Variants in AIF1L observed in about 807,000 individuals in gnomAD.
The protein encoded by AIF1L is allograft inflammatory factor 1-like.
Under a neutral mutation model 20.7 loss-of-function variants are expected in AIF1L, and 12 were observed. The ratio of observed to expected loss-of-function variants is 0.58; its 90% CI spans 0.37 to 0.94. The LOEUF is 0.94. Among genes scored for constraint, AIF1L ranks in the 40% least tolerant of loss-of-function variants. AIF1L has a pLI of 0.01. For synonymous variants in AIF1L, 76 were observed against 65.1 expected, an observed-to-expected ratio of 1.17 and a Z score of -0.81; for missense variants, 173 against 185.3, an observed-to-expected ratio of 0.93 and a Z score of 0.39.
At chr9:131,114,834 C>G (rs1830973006) in intron 4 of AIF1L, among the ~76,000 whole-genome samples, 1 of 152,128 alleles carries the variant, frequency 6.6e-6, no homozygotes, top group Admixed American at 6.5e-5. Context: ...CCCACCCACA[C>G]CTCAGCCTCC....
chr9:131,112,599 CG>C (rs940349448), intron 3 of AIF1L: 6 of 152,272 alleles, frequency 3.9e-5, no homozygotes, highest in Admixed American at 1.3e-4. Context: ...TGGAGAAACT[CG>C]GGCTTGGAGG....
intron 4 of AIF1L, among the ~76,000 whole-genome samples, chr9:131,116,136 T>C (rs1831007594): frequency 6.6e-6 from 1 of 152,146 alleles, no homozygotes; most frequent in Non-Finnish European, 1.5e-5. Flanking sequence ...TTCCACTCTT[T>C]ATTCTAATCA....
At chr9:131,107,737 GC>G (rs1242505712) in intron 2 of AIF1L, among the ~76,000 whole-genome samples, 1 of 152,204 alleles carries the variant, frequency 6.6e-6, no homozygotes, top group Non-Finnish European at 1.5e-5. Flanking sequence ...GCGCCCCTCT[GC>G]CCCGCCTTTA....
At chr9:131,097,525 G>T (rs1316086601) in intron 2 of AIF1L, among the ~76,000 whole-genome samples, 2 of 152,252 alleles carry the variant, frequency 1.3e-5, no homozygotes, top group East Asian at 3.8e-4. Flanking sequence ...TTTCAGGAAA[G>T]ATTGCCTTAA....
chr9:131,111,720 A>T, intron 3 of AIF1L, 57 bp downstream of exon 3: 1 of 1,528,772 alleles, frequency 6.5e-7, no homozygotes, highest in Non-Finnish European at 9.1e-7. Context: ...CTGGCCCCTC[A>T]TCCTTGCACA....
intron 3 of AIF1L, chr9:131,112,425 A>C (rs1830911923): frequency 6.6e-6 from 1 of 152,214 alleles, no homozygotes; most frequent in Non-Finnish European, 1.5e-5. Flanking sequence ...TCCTCAAATC[A>C]CTTCCAGTTG....
chr9:131,111,234 A>C (rs1052661585), intron 2 of AIF1L, among the ~76,000 whole-genome samples: 6 of 150,916 alleles, frequency 4.0e-5, no homozygotes, highest in Non-Finnish European at 5.9e-5. Flanking sequence ...ATTCCTAAGA[A>C]GTTAATGATG....
At chr9:131,116,780 A>G (rs1052193748) in intron 4 of AIF1L, among the ~76,000 whole-genome samples, 4 of 152,230 alleles carry the variant, frequency 2.6e-5, no homozygotes, top group African/African-American at 9.6e-5. Context: ...AGGCTTTTGA[A>G]GCATCTTGCC....
intron 2 of AIF1L, among the ~76,000 whole-genome samples, chr9:131,103,333 A>G (rs1830678470): frequency 6.6e-6 from 1 of 152,214 alleles, no homozygotes; most frequent in Non-Finnish European, 1.5e-5. Context: ...ACTTGCCAGG[A>G]GGACTTCAGG....
chr9:131,120,920 G>A lies in AIF1L; in HGVS notation c.*598G>A. 2.0e-6 allele frequency: 1 copy of A among 501,196 alleles called. No individual in the cohort carries two copies. Among genetic ancestry groups the A allele is most frequent in the East Asian group, 3.2e-5 (1 of 31,564 alleles). 31.0% of individuals were successfully genotyped at this position (501,196 alleles called of 1,614,324 possible). On this transcript the variant is annotated 3_prime_UTR_variant, in exon 6 of 6. Transcript: ENST00000247291. ...TGAAGGTGGGAAGGAAAGGAGCTTG[G>A]CATTGGGAGCCCTTCAAGAAGGTAC...
chr9:131,096,954 G>T, intron 2 of AIF1L, 91 bp downstream of exon 2: 5 of 1,354,376 alleles, frequency 3.7e-6, no homozygotes, highest in Non-Finnish European at 4.8e-6. Flanking sequence ...CCCGCCTCCA[G>T]ATCTACCCTC....
intron 2 of AIF1L, among the ~76,000 whole-genome samples, chr9:131,109,216 AT>A: frequency 6.8e-6 from 1 of 146,298 alleles, no homozygotes; most frequent in Middle Eastern, 3.4e-3. Flanking sequence ...GAATGAATGA[AT>A]GAATGAAGGA....
At chr9:131,111,304 G>T (rs1830877105) in intron 2 of AIF1L, 4 of 346,040 alleles carry the variant, frequency 1.2e-5, no homozygotes, top group East Asian at 1.0e-4. Context: ...GGGTGTCTTG[G>T]GGGAGGGGCA....
intron 4 of AIF1L, among the ~76,000 whole-genome samples, chr9:131,115,674 T>A (rs1405737547): frequency 6.6e-6 from 1 of 150,868 alleles, no homozygotes; most frequent in African/African-American, 2.4e-5. Flanking sequence ...TTTTTTTTTT[T>A]CTTTAGAAAG....
chr9:131,105,612 T>C (rs1312969637), intron 2 of AIF1L, among the ~76,000 whole-genome samples: 1 of 152,162 alleles, frequency 6.6e-6, no homozygotes, highest in Non-Finnish European at 1.5e-5. Flanking sequence ...CTCAAAGTGC[T>C]GGGATTACAG....
intron 2 of AIF1L, among the ~76,000 whole-genome samples, chr9:131,105,228 C>T (rs991400873): frequency 1.3e-5 from 2 of 152,188 alleles, no homozygotes; most frequent in Admixed American, 6.5e-5. Context: ...CACTGCCCGC[C>T]GGGCTCCCCC....
intron 4 of AIF1L, among the ~76,000 whole-genome samples, chr9:131,116,278 T>G (rs1381719866): frequency 2.6e-5 from 4 of 152,222 alleles, no homozygotes; most frequent in Non-Finnish European, 4.4e-5. Context: ...TTCTTTCTTT[T>G]TTTGAGACAT....
chr9:131,110,070 C>T (rs1396432252), intron 2 of AIF1L, among the ~76,000 whole-genome samples: 2 of 152,004 alleles, frequency 1.3e-5, no homozygotes, highest in Non-Finnish European at 1.5e-5. Flanking sequence ...ATAAGCCAGC[C>T]GTGGTGTGGC....
At chr9:131,116,519 G>A (rs140133814) in intron 4 of AIF1L, among the ~76,000 whole-genome samples, 2 of 152,104 alleles carry the variant, frequency 1.3e-5, no homozygotes, top group East Asian at 3.9e-4. Flanking sequence ...CTGCCTCGTC[G>A]TCCCAAAGTG....
Sources: gnomAD v4.1 joint callset for allele counts (sites outside exome capture counted in the v4.1 genomes callset) on GRCh38, gnomAD v4.1.1 for gene constraint, MANE v1.5 for transcripts, NCBI Gene and HGNC (gene_info 2026-07-23, HGNC 2026-07-21) for gene names.